The following TNKS variants were observed in gnomAD, a reference collection of about 807,000 sequenced individuals.
TNKS encodes tankyrase.
Under a neutral mutation model 135.8 loss-of-function variants are expected in TNKS, and 72 were observed. That is an observed-to-expected ratio of 0.53 (90% CI 0.44 to 0.64). The LOEUF (loss-of-function observed/expected upper bound fraction) is 0.64, where lower values mean the gene tolerates loss of function less well. TNKS is among the 30% of genes least tolerant of loss of function. TNKS has a pLI of 0.00. For missense variants in TNKS, 1,769 were observed against 1,674.0 expected (o/e 1.06, Z -0.99); for synonymous variants, 849 against 649.3 (o/e 1.31, Z -4.68).
chr8:9,609,959 G>A (rs550011659), intron 2 of TNKS, among the ~76,000 whole-genome samples: 16 of 152,202 alleles, frequency 1.1e-4, no homozygotes, highest in African/African-American at 2.4e-4. Flanking sequence ...CCGGGTTCAC[G>A]CCATTCTCCT....
At chr8:9,764,024 G>A (rs943563484) in intron 22 of TNKS, among the ~76,000 whole-genome samples, 16 of 151,970 alleles carry the variant, frequency 1.1e-4, no homozygotes, top group African/African-American at 2.9e-4. Flanking sequence ...CATGGGGTCC[G>A]GTGTCTTACT....
intron 3 of TNKS, among the ~76,000 whole-genome samples, chr8:9,634,824 T>C (rs4493906): frequency 0.12 from 18,481 of 152,058 alleles, 1,334 homozygotes; most frequent in East Asian, 0.23. Context: ...AATGACTGAT[T>C]TCAAAGCTAG....
At chr8:9,634,255 A>C (rs1420058837) in intron 3 of TNKS, among the ~76,000 whole-genome samples, 1 of 152,078 alleles carries the variant, frequency 6.6e-6, no homozygotes, top group Non-Finnish European at 1.5e-5. Flanking sequence ...GAGGCATGTT[A>C]ATGTGCTACA....
chr8:9,567,873 A>C (rs1038704181), intron 1 of TNKS, among the ~76,000 whole-genome samples: 1 of 152,224 alleles, frequency 6.6e-6, no homozygotes, highest in Non-Finnish European at 1.5e-5. Context: ...ATGTAATGCC[A>C]CTGAACTCTA....
intron 25 of TNKS, 37 bp downstream of exon 25, chr8:9,766,462 C>G (rs192986149): frequency 7.1e-7 from 1 of 1,413,304 alleles, no homozygotes; most frequent in African/African-American, 1.5e-5. Flanking sequence ...TTTCCCACCC[C>G]TAGGTCACGA....
intron 17 of TNKS, among the ~76,000 whole-genome samples, chr8:9,735,981 G>A (rs1417016237): frequency 6.6e-6 from 1 of 151,450 alleles, no homozygotes; most frequent in African/African-American, 2.4e-5. Context: ...CTACCTTTTG[G>A]CCAACAGTCA....
intron 3 of TNKS, among the ~76,000 whole-genome samples, chr8:9,674,519 G>A (rs750590963): frequency 8.5e-5 from 13 of 152,268 alleles, no homozygotes; most frequent in African/African-American, 1.2e-4. Flanking sequence ...GCAAAGTTTC[G>A]TGGTCCAATA....
At chr8:9,740,423 C>T (rs1467643086) in intron 17 of TNKS, among the ~76,000 whole-genome samples, 2 of 152,180 alleles carry the variant, frequency 1.3e-5, no homozygotes, top group African/African-American at 4.8e-5. Context: ...CCATATTCTT[C>T]CTCCTACCGC....
chr8:9,594,165 G>A (rs1164866022), intron 2 of TNKS, among the ~76,000 whole-genome samples: 1 of 152,194 alleles, frequency 6.6e-6, no homozygotes, highest in African/African-American at 2.4e-5. Context: ...AGGATTACAG[G>A]CATGAGCCAC....
chr8:9,652,271 A>G (rs1330889132), intron 3 of TNKS, among the ~76,000 whole-genome samples: 1 of 152,196 alleles, frequency 6.6e-6, no homozygotes, highest in Non-Finnish European at 1.5e-5. Flanking sequence ...TACTCCTGGT[A>G]AGGTTTTATC....
At chr8:9,659,470 T>G (rs1429358224) in intron 3 of TNKS, among the ~76,000 whole-genome samples, 2 of 152,090 alleles carry the variant, frequency 1.3e-5, no homozygotes, top group African/African-American at 2.4e-5. Flanking sequence ...CTGAACAACC[T>G]GCTCCCTAAT....
intron 11 of TNKS, among the ~76,000 whole-genome samples, chr8:9,719,548 G>T (rs1323227246): frequency 6.6e-6 from 1 of 152,146 alleles, no homozygotes; most frequent in African/African-American, 2.4e-5. Context: ...AAGTCTTCAA[G>T]AAATCAAGGA....
At chr8:9,695,776 G>C (rs1369578232) in intron 5 of TNKS, among the ~76,000 whole-genome samples, 1 of 152,146 alleles carries the variant, frequency 6.6e-6, no homozygotes, top group Admixed American at 6.5e-5. Flanking sequence ...ATATATTTTG[G>C]AGGCATAGTC....
chr8:9,725,100 T>C (rs373983201), intron 12 of TNKS, among the ~76,000 whole-genome samples: 1 of 152,316 alleles, frequency 6.6e-6, no homozygotes, highest in African/African-American at 2.4e-5. Flanking sequence ...ACACACAGCA[T>C]CTTACCTATA....
intron 2 of TNKS, among the ~76,000 whole-genome samples, chr8:9,614,992 A>C (rs1412866683): frequency 6.6e-6 from 1 of 152,218 alleles, no homozygotes. Context: ...TTTGATGGAA[A>C]GAATGAGTAT....
chr8:9,630,383 T>C (rs1236328962), intron 3 of TNKS, among the ~76,000 whole-genome samples: 2 of 152,196 alleles, frequency 1.3e-5, no homozygotes, highest in Non-Finnish European at 2.9e-5. Context: ...GGAGGCAAGC[T>C]GGAATTGACA....
At chr8:9,707,134 T>G (rs979206418) in intron 8 of TNKS, 137 bp downstream of exon 8, 33 of 740,658 alleles carry the variant, frequency 4.5e-5, no homozygotes, top group Non-Finnish European at 6.5e-5. Context: ...ATTGTATACT[T>G]TTCTTCATGA....
chr8:9,636,986 G>A lies in TNKS; in HGVS notation c.994+21309G>A, dbSNP rs28410447. On this transcript the variant is annotated intron_variant, in intron 3 of 26. Transcript: ENST00000310430. ...TTAGCCTCTTGACAGTTTTAAAATT[G>A]CTAGACCTTTATTGATGTGGATGTT... 2.4e-4 allele frequency among the ~76,000 whole-genome samples: 36 copies of A among 152,148 alleles called. 1 individual carries two copies. Among genetic ancestry groups the A allele is most frequent in the African/African-American group, 8.4e-4 (35 of 41,438 alleles).
chr8:9,747,431 T>A (rs1185131102), intron 17 of TNKS, among the ~76,000 whole-genome samples: 4 of 152,206 alleles, frequency 2.6e-5, no homozygotes, highest in Non-Finnish European at 5.9e-5. Context: ...ATGCCCAGGT[T>A]ATTAGCATGT....
Sources: allele counts gnomAD v4.1 joint callset (sites outside exome capture counted in the v4.1 genomes callset), GRCh38; gene constraint gnomAD v4.1.1; transcripts MANE v1.5; gene names NCBI Gene and HGNC (gene_info 2026-07-23, HGNC 2026-07-21).